ZFYVE28: variants seen among roughly 807,000 people sequenced by gnomAD.
ZFYVE28 encodes the protein lateral signaling target protein 2 homolog.
ZFYVE28 carries 40 observed loss-of-function variants against 82.1 expected under a neutral mutation model. That is an observed-to-expected ratio of 0.49 (90% CI 0.38 to 0.63). The LOEUF (loss-of-function observed/expected upper bound fraction) is 0.63, where lower values mean the gene tolerates loss of function less well. ZFYVE28 is among the 30% of genes least tolerant of loss of function. The probability of loss-of-function intolerance (pLI) is 0.00; values close to 1 mark genes in which losing one functional copy is unlikely to be tolerated. For missense variants in ZFYVE28, 1,321 were observed against 1,242.1 expected, an observed-to-expected ratio of 1.06 and a Z score of -0.96; for synonymous variants, 612 against 546.1, an observed-to-expected ratio of 1.12 and a Z score of -1.68.
intron 8 of ZFYVE28, among the ~76,000 whole-genome samples, chr4:2,288,863 T>C (rs537266706): frequency 6.6e-6 from 1 of 152,254 alleles, no homozygotes; most frequent in African/African-American, 2.4e-5. Context: ...ATGCCTGTGG[T>C]CCAAGCTACT....
At chr4:2,296,973 G>A (rs1018216255) in intron 8 of ZFYVE28, among the ~76,000 whole-genome samples, 2 of 152,234 alleles carry the variant, frequency 1.3e-5, no homozygotes, top group African/African-American at 2.4e-5. Context: ...GCGCTGCAGG[G>A]AGGGAAGCGT....
chr4:2,407,611 C>G (rs1338470844), intron 1 of ZFYVE28, among the ~76,000 whole-genome samples: 1 of 152,120 alleles, frequency 6.6e-6, no homozygotes, highest in African/African-American at 2.4e-5. Context: ...CCCTCTGTGC[C>G]TCAGAAGCTC....
intron 1 of ZFYVE28, among the ~76,000 whole-genome samples, chr4:2,377,024 C>CTT (rs777155297): frequency 2.1e-5 from 3 of 146,250 alleles, no homozygotes; most frequent in Admixed American, 6.8e-5. Context: ...TAAGACTTTA[C>CTT]TTTTTTTTTT....
chr4:2,382,587 A>G (rs990588863), intron 1 of ZFYVE28, among the ~76,000 whole-genome samples: 17 of 152,118 alleles, frequency 1.1e-4, no homozygotes, highest in South Asian at 6.2e-4. Flanking sequence ...TGGAATGGCT[A>G]TATGTACCCA....
At chr4:2,403,550 C>T (rs1365290259) in intron 1 of ZFYVE28, among the ~76,000 whole-genome samples, 2 of 152,150 alleles carry the variant, frequency 1.3e-5, no homozygotes, top group African/African-American at 4.8e-5. Context: ...CCTATCAGGG[C>T]ACTCCGCTCA....
chr4:2,391,740 C>T (rs56277916), intron 1 of ZFYVE28, among the ~76,000 whole-genome samples: 91,182 of 141,764 alleles, frequency 0.64, 29,760 homozygotes, highest in Admixed American at 0.73. Flanking sequence ...TTCTCTCTCT[C>T]TTTTTTTTTT....
chr4:2,369,835 T>TA (rs1553857121), intron 1 of ZFYVE28, among the ~76,000 whole-genome samples: 1 of 4,126 alleles, frequency 2.4e-4, no homozygotes, highest in Non-Finnish European at 4.1e-4. Context: ...AAGAAGGGAT[T>TA]TTTTTTTTTC....
chr4:2,348,669 T>C (rs1202309460), intron 2 of ZFYVE28, among the ~76,000 whole-genome samples: 3 of 152,356 alleles, frequency 2.0e-5, no homozygotes, highest in Non-Finnish European at 4.4e-5. Context: ...CTGGACCAAA[T>C]AAGGCAGAAT....
At chr4:2,319,732 A>G (rs1332896122) in intron 7 of ZFYVE28, among the ~76,000 whole-genome samples, 1 of 150,428 alleles carries the variant, frequency 6.6e-6, no homozygotes, top group African/African-American at 2.4e-5. Flanking sequence ...ACAGACGTAA[A>G]CCAGTAACTA....
rs1301868218 is a variant in ZFYVE28 at position 2,346,477 on chromosome 4, C to T, written c.181-4862G>A. On this transcript the variant is annotated intron_variant, in intron 2 of 12. Coordinates refer to ENST00000290974, the MANE Select transcript of ZFYVE28 (RefSeq NM_020972.3). ...GACTACATGGTAAATATACAAGATC[C>T]TTTTTTACTATTTAATTTTCTAAAT... Among the ~76,000 whole-genome samples, 6 of 151,830 alleles carry T rather than the reference C, an allele frequency of 4.0e-5. 1 individual carries two copies. The highest frequency in any genetic ancestry group is 1.3e-4 in the Admixed American group (2 of 15,256).
At chr4:2,365,349 T>G (rs1425938313) in intron 1 of ZFYVE28, among the ~76,000 whole-genome samples, 1 of 150,274 alleles carries the variant, frequency 6.7e-6, no homozygotes, top group African/African-American at 2.4e-5. Context: ...GGCCCGCACG[T>G]GCACTCACAA....
chr4:2,273,102 G>T, intron 10 of ZFYVE28, 71 bp downstream of exon 10: 1 of 1,291,810 alleles, frequency 7.7e-7, no homozygotes, highest in Non-Finnish European at 1.1e-6. Flanking sequence ...GGATTTCTGA[G>T]CACCCCTCCC....
Position 2,341,473 on chromosome 4 carries a change from G to A in ZFYVE28, c.318+5C>T, listed in dbSNP as rs748658295. ...GACCTCCGAACCCGGGTGGCCACCC[G>A]CTACCTCGGCACCGAACCACAGCTG... On this transcript the variant is annotated splice_donor_5th_base_variant and intron_variant, in intron 3 of 12. Coordinates refer to ENST00000290974, the MANE Select transcript of ZFYVE28 (RefSeq NM_020972.3). The surrounding 1 kb of genome is among the most constrained non-coding windows in gnomAD (Gnocchi z 4.5). The A allele has an allele frequency of 5.6e-6, 9 of 1,603,896 alleles. No individual in the cohort carries two copies. The highest frequency in any genetic ancestry group is 5.4e-5 in the African/African-American group (4 of 74,504).
rs1203572323 is a variant in ZFYVE28 at position 2,269,656 on chromosome 4, A to T, written c.*1069T>A. The T allele has an allele frequency of 6.6e-6, 1 of 152,252 alleles. No individual in the cohort carries two copies. Among genetic ancestry groups the T allele is most frequent in the Non-Finnish European group, 1.5e-5 (1 of 68,038 alleles). The allele number at this position is 152,252 out of a possible 1,614,324, so 9.4% of individuals were successfully genotyped here. On this transcript the variant is annotated 3_prime_UTR_variant, in exon 13 of 13. Coordinates refer to ENST00000290974, the MANE Select transcript of ZFYVE28 (RefSeq NM_020972.3). ...AAATTACAGCATTTAGAAAATAAAT[A>T]TAATCTCAATACATAATATTTCCTC...
At chr4:2,395,450 G>T (rs962912512) in intron 1 of ZFYVE28, among the ~76,000 whole-genome samples, 4 of 152,122 alleles carry the variant, frequency 2.6e-5, no homozygotes, top group African/African-American at 9.7e-5. Flanking sequence ...GGATCCCAAC[G>T]CTCTCCCCAC....
chr4:2,377,680 T>C (rs1369696398), intron 1 of ZFYVE28, among the ~76,000 whole-genome samples: 3 of 152,228 alleles, frequency 2.0e-5, no homozygotes, highest in African/African-American at 7.2e-5. Context: ...TGCGGGGCTT[T>C]TTCCATTTCT....
intron 8 of ZFYVE28, among the ~76,000 whole-genome samples, chr4:2,289,039 T>C (rs1268451258): frequency 6.6e-6 from 1 of 151,954 alleles, no homozygotes; most frequent in Non-Finnish European, 1.5e-5. Context: ...ATCCCAACAC[T>C]TTGGGAGGCC....
chr4:2,323,559 ATACTT>A (rs1170625250), intron 6 of ZFYVE28, among the ~76,000 whole-genome samples: 1 of 151,598 alleles, frequency 6.6e-6, no homozygotes, highest in Non-Finnish European at 1.5e-5. Flanking sequence ...TTTTATTATT[ATACTT>A]TAAGTTTTAG....
chr4:2,371,256 C>G (rs1320357082), intron 1 of ZFYVE28, among the ~76,000 whole-genome samples: 1 of 152,144 alleles, frequency 6.6e-6, no homozygotes, highest in Admixed American at 6.6e-5. Context: ...TGTGGTTGCC[C>G]GCGTCGTGCT....
Sources: gnomAD v4.1 joint callset for allele counts (sites outside exome capture counted in the v4.1 genomes callset) on GRCh38, gnomAD v4.1.1 for gene constraint, Gnocchi (gnomAD v3.1) non-coding constraint, MANE v1.5 for transcripts, NCBI Gene and HGNC (gene_info 2026-07-23, HGNC 2026-07-21) for gene names.